The following SAMMSON variants were observed in gnomAD, a reference collection of about 807,000 sequenced individuals.
The protein encoded by SAMMSON is long intergenic non-protein coding RNA 1212.
intron 7 of SAMMSON, among the ~76,000 whole-genome samples, chr3:70,353,201 A>C (rs1702806071): frequency 6.6e-6 from 1 of 152,076 alleles, no homozygotes; most frequent in Admixed American, 6.5e-5. Flanking sequence ...ATTGGATCTC[A>C]TCTGTGTAAA....
chr3:70,285,121 T>C (rs1257813405), intron 6 of SAMMSON, among the ~76,000 whole-genome samples: 1 of 151,792 alleles, frequency 6.6e-6, no homozygotes, highest in African/African-American at 2.4e-5. Context: ...GTTAGTTACA[T>C]ATGTATACAT....
At chr3:70,056,661 G>C (rs1183583852) in intron 3 of SAMMSON, among the ~76,000 whole-genome samples, 1 of 151,918 alleles carries the variant, frequency 6.6e-6, no homozygotes, top group Non-Finnish European at 1.5e-5. Flanking sequence ...AAAACTCATA[G>C]TGTATCTATT....
chr3:70,078,099 A>G (rs988995230), intron 4 of SAMMSON, among the ~76,000 whole-genome samples: 1 of 152,080 alleles, frequency 6.6e-6, no homozygotes, highest in African/African-American at 2.4e-5. Context: ...TGTGGGGGGA[A>G]GATTTAGAAG....
intron 3 of SAMMSON, among the ~76,000 whole-genome samples, chr3:70,040,343 C>G (rs762140006): frequency 2.9e-4 from 44 of 152,124 alleles, no homozygotes; most frequent in African/African-American, 1.0e-3. Flanking sequence ...GATATTCAAC[C>G]TGTTCTCTAA....
At chr3:70,305,473 C>G (rs559917887) in intron 7 of SAMMSON, among the ~76,000 whole-genome samples, 1 of 151,912 alleles carries the variant, frequency 6.6e-6, no homozygotes, top group African/African-American at 2.4e-5. Flanking sequence ...AAAAATATCC[C>G]GTTTAGAAAT....
rs560326383 is a variant in SAMMSON at position 70,327,713 on chromosome 3, G to C, written n.740-26462G>C. 1.4e-4 allele frequency among the ~76,000 whole-genome samples: 22 copies of C among 152,232 alleles called. No individual in the cohort carries two copies. The South Asian group carries it at 4.6e-3, about 32-fold the overall frequency. On this transcript the variant is annotated intron_variant and non_coding_transcript_variant, in intron 7 of 9. Transcript: ENST00000642114. ...CAGAATAAAAAGACTTCACCACTGGGCATCCAGTAAGTCCTCAGATATCAT... is the reference window on the plus strand; with the variant it reads ...CAGAATAAAAAGACTTCACCACTGGCCATCCAGTAAGTCCTCAGATATCAT...
chr3:70,134,000 T>C (rs1389321853), intron 4 of SAMMSON, among the ~76,000 whole-genome samples: 1 of 151,576 alleles, frequency 6.6e-6, no homozygotes, highest in Non-Finnish European at 1.5e-5. Context: ...TCCCAGCACT[T>C]TGGGAGGCCA....
intron 7 of SAMMSON, among the ~76,000 whole-genome samples, chr3:70,301,173 T>G (rs1702345017): frequency 6.6e-6 from 1 of 152,094 alleles, no homozygotes; most frequent in African/African-American, 2.4e-5. Context: ...TAAGTTAATA[T>G]TTTAAAATTA....
intron 4 of SAMMSON, among the ~76,000 whole-genome samples, chr3:70,187,801 A>G (rs781518712): frequency 3.9e-5 from 6 of 152,086 alleles, no homozygotes; most frequent in Non-Finnish European, 7.4e-5. Context: ...TTCCCAGCCT[A>G]TGCTTGCTCT....
chr3:70,060,992 C>T (rs986503915), intron 3 of SAMMSON, among the ~76,000 whole-genome samples: 1 of 151,804 alleles, frequency 6.6e-6, no homozygotes, highest in Non-Finnish European at 1.5e-5. Context: ...GATTGGAAGT[C>T]GTGAGAGCTT....
chr3:70,386,569 C>G (rs1460449615), intron 9 of SAMMSON, among the ~76,000 whole-genome samples: 2 of 152,068 alleles, frequency 1.3e-5, no homozygotes, highest in Non-Finnish European at 2.9e-5. Flanking sequence ...AGGGATTAGA[C>G]TACGCTACAG....
At chr3:70,276,394 G>T (rs1241820766) in intron 6 of SAMMSON, among the ~76,000 whole-genome samples, 1 of 152,082 alleles carries the variant, frequency 6.6e-6, no homozygotes, top group Admixed American at 6.5e-5. Flanking sequence ...ATTGTCTTGT[G>T]ATTATAAGTA....
intron 4 of SAMMSON, among the ~76,000 whole-genome samples, chr3:70,105,207 C>A (rs549659883): frequency 4.6e-5 from 7 of 152,162 alleles, no homozygotes; most frequent in African/African-American, 1.7e-4. Context: ...ACTTTGCTTT[C>A]CTATTGTTGA....
intron 9 of SAMMSON, among the ~76,000 whole-genome samples, chr3:70,377,971 A>G (rs1207976881): frequency 6.6e-6 from 1 of 152,058 alleles, no homozygotes; most frequent in African/African-American, 2.4e-5. Context: ...GAAGGAGAAT[A>G]CGCTCATACA....
At chr3:70,319,931 T>A (rs1702524709) in intron 7 of SAMMSON, among the ~76,000 whole-genome samples, 1 of 152,070 alleles carries the variant, frequency 6.6e-6, no homozygotes, top group Non-Finnish European at 1.5e-5. Context: ...TAGAACAGAA[T>A]AGACTGTTGT....
At chr3:70,240,597 C>G (rs1425488127) in intron 4 of SAMMSON, among the ~76,000 whole-genome samples, 1 of 152,062 alleles carries the variant, frequency 6.6e-6, no homozygotes, top group Admixed American at 6.6e-5. Context: ...AATAATAGCT[C>G]TAAGAAAGTG....
rs1384165319 is a variant in SAMMSON, at chr3:70,386,616, G to A, written n.914-2958G>A. The stretch of plus-strand genomic sequence containing the variant: ...TTTTTGGCAGATGGAGGATTTGGAG[G>A]TGTCAGTAAAGCCCAATGTAATTAG... On this transcript the variant is annotated intron_variant and non_coding_transcript_variant, in intron 9 of 9. Transcript: ENST00000642114. 8.5e-5 allele frequency among the ~76,000 whole-genome samples: 13 copies of A among 152,114 alleles called. 1 individual carries two copies. In the East Asian group the frequency reaches 1.6e-3, roughly 18 times the overall value.
At chr3:70,283,209 A>T (rs1702106294) in intron 6 of SAMMSON, among the ~76,000 whole-genome samples, 1 of 152,138 alleles carries the variant, frequency 6.6e-6, no homozygotes, top group Admixed American at 6.5e-5. Context: ...TCCCAGCTTC[A>T]TCAGGAATGA....
At chr3:70,309,543 G>A (rs1352141557) in intron 7 of SAMMSON, among the ~76,000 whole-genome samples, 1 of 152,100 alleles carries the variant, frequency 6.6e-6, no homozygotes, top group Admixed American at 6.6e-5. Flanking sequence ...AAAGTAACAT[G>A]GCACAATCAC....
Sources: allele counts gnomAD v4.1 joint callset (sites outside exome capture counted in the v4.1 genomes callset), GRCh38; gene constraint gnomAD v4.1.1; transcripts MANE v1.5; gene names NCBI Gene and HGNC (gene_info 2026-07-23, HGNC 2026-07-21).